CSMD3: variants seen among roughly 807,000 people sequenced by gnomAD.
CSMD3 encodes the protein CUB and Sushi multiple domains 3, also known as CUB and sushi domain-containing protein 3.
A neutral mutation model predicts 435.2 loss-of-function variants in CSMD3; 177 were observed. The ratio of observed to expected loss-of-function variants is 0.41; its 90% CI spans 0.36 to 0.46. CSMD3 has a LOEUF of 0.46. CSMD3 is among the 20% of genes least tolerant of loss of function. The pLI is 0.34. For synonymous variants in CSMD3, 1,656 were observed against 1,520.5 expected, an observed-to-expected ratio of 1.09 and a Z score of -2.07; for missense variants, 4,265 against 4,504.6, an observed-to-expected ratio of 0.95 and a Z score of 1.52.
chr8:112,836,427 G>T (rs186729627), intron 11 of CSMD3, among the ~76,000 whole-genome samples: 166 of 151,910 alleles, frequency 1.1e-3, no homozygotes, highest in African/African-American at 3.9e-3. Flanking sequence ...ATCCAATTAT[G>T]AGTTTCCTGA....
chr8:113,330,881 A>AT (rs1400066384), intron 1 of CSMD3, among the ~76,000 whole-genome samples: 1 of 151,894 alleles, frequency 6.6e-6, no homozygotes, highest in Non-Finnish European at 1.5e-5. Context: ...ACAAAGCAGC[A>AT]TATCAGCAAA....
At chr8:113,026,818 T>C (rs1353119913) in intron 5 of CSMD3, among the ~76,000 whole-genome samples, 7 of 152,180 alleles carry the variant, frequency 4.6e-5, no homozygotes, top group African/African-American at 1.7e-4. Flanking sequence ...TCAACTCCCC[T>C]GGCTAAAATT....
chr8:112,406,558 C>T lies in CSMD3; in HGVS notation c.5775G>A (p.Leu1925=), dbSNP rs538253389. 6.2e-7 allele frequency: 1 copy of T among 1,611,582 alleles called. No individual in the cohort carries two copies. Among genetic ancestry groups the T allele is most frequent in the African/African-American group, 1.3e-5 (1 of 74,920 alleles). The change falls in exon 35 of 71, where the codon TTG becomes TTA. Residue 1925 remains leucine (L), a synonymous_variant. Coordinates refer to ENST00000297405, the MANE Select transcript of CSMD3 (RefSeq NM_198123.2). The part of the protein sequence containing the change: ...AIRCETVPNS[L]AQWNDSLPTC... ...TAGGTAAGGAATCATTCCACTGGGCCAAAGAATTGGGCACTGTTTCACACC... is the reference window on the plus strand; with the variant it reads ...TAGGTAAGGAATCATTCCACTGGGCTAAAGAATTGGGCACTGTTTCACACC...
chr8:113,065,237 T>A (rs1564272990), intron 5 of CSMD3, among the ~76,000 whole-genome samples: 1 of 152,128 alleles, frequency 6.6e-6, no homozygotes, highest in Non-Finnish European at 1.5e-5. Flanking sequence ...GACAAAAAAA[T>A]ACAAAACAAA....
chr8:112,622,796 CTT>C (rs751298448), intron 22 of CSMD3, among the ~76,000 whole-genome samples: 1 of 152,092 alleles, frequency 6.6e-6, no homozygotes, highest in Non-Finnish European at 1.5e-5. Context: ...GCATCACAGA[CTT>C]GTTGAGAATA....
chr8:112,370,240 A>G (rs1290546831), intron 38 of CSMD3, among the ~76,000 whole-genome samples: 1 of 152,174 alleles, frequency 6.6e-6, no homozygotes, highest in Non-Finnish European at 1.5e-5. Context: ...GAGGACATAA[A>G]AACAGCAAAA....
intron 1 of CSMD3, among the ~76,000 whole-genome samples, chr8:113,373,457 T>C (rs2094359291): frequency 1.3e-5 from 2 of 152,178 alleles, no homozygotes; most frequent in South Asian, 4.1e-4. Flanking sequence ...ATTTCATTTA[T>C]GTATTAAAAA....
chr8:113,261,594 C>T (rs542971340), intron 3 of CSMD3, among the ~76,000 whole-genome samples: 21 of 152,102 alleles, frequency 1.4e-4, no homozygotes, highest in Admixed American at 7.9e-4. Context: ...GTCACTTCTT[C>T]CCTTGGTTCA....
At chr8:112,321,217 A>G (rs1272892954) in intron 45 of CSMD3, among the ~76,000 whole-genome samples, 1 of 152,140 alleles carries the variant, frequency 6.6e-6, no homozygotes, top group Non-Finnish European at 1.5e-5. Flanking sequence ...TATGTACTCA[A>G]CGTGCTGATA....
At chr8:112,314,727 T>TA in intron 47 of CSMD3, 110 bp from the exon 48 acceptor site, 1 of 762,094 alleles carries the variant, frequency 1.3e-6, no homozygotes, top group Non-Finnish European at 2.3e-6. Flanking sequence ...ATAAGGATGA[T>TA]ACGTTGAATT....
At chr8:113,102,273 A>G (rs2090352100) in intron 4 of CSMD3, among the ~76,000 whole-genome samples, 1 of 152,150 alleles carries the variant, frequency 6.6e-6, no homozygotes, top group Non-Finnish European at 1.5e-5. Context: ...CCATAGAACC[A>G]TCTCCTTAGA....
rs73341924 is a variant in CSMD3 at position 113,340,238 on chromosome 8, A to T, written c.179-25445T>A. ...CAAAATATGCATCCTTGATTATTAG[A>T]GTCAATTATAAATTAGTACTCTTAT... On this transcript the variant is annotated intron_variant, in intron 1 of 70. Transcript: ENST00000297405. Among the ~76,000 whole-genome samples, 537 of 152,180 alleles carry T rather than the reference A, an allele frequency of 3.5e-3. 2 individuals carry two copies. Among genetic ancestry groups the T allele is most frequent in the African/African-American group, 0.012 (500 of 41,544 alleles).
chr8:112,604,238 G>A (rs1161289874), intron 22 of CSMD3, among the ~76,000 whole-genome samples: 1 of 152,126 alleles, frequency 6.6e-6, no homozygotes, highest in Admixed American at 6.6e-5. Context: ...AGAGTTTGAA[G>A]CCAGGTAGTG....
At chr8:112,333,459 G>A (rs572353394) in intron 45 of CSMD3, among the ~76,000 whole-genome samples, 65 of 152,068 alleles carry the variant, frequency 4.3e-4, no homozygotes, top group African/African-American at 1.1e-3. Context: ...GAGCCACTGC[G>A]CCTGGCCTTG....
intron 4 of CSMD3, among the ~76,000 whole-genome samples, chr8:113,140,469 G>C (rs1475820394): frequency 2.0e-5 from 3 of 150,730 alleles, no homozygotes; most frequent in Non-Finnish European, 4.5e-5. Context: ...TTCTTTTCAA[G>C]TAACCAGGAA....
At chr8:113,124,833 T>TTA (rs1375529461) in intron 4 of CSMD3, among the ~76,000 whole-genome samples, 1 of 152,050 alleles carries the variant, frequency 6.6e-6, no homozygotes, top group Non-Finnish European at 1.5e-5. Context: ...ATTATTGCTC[T>TTA]TATCTCACCT....
intron 9 of CSMD3, among the ~76,000 whole-genome samples, chr8:112,936,691 C>A (rs1291631847): frequency 6.6e-6 from 1 of 151,810 alleles, no homozygotes; most frequent in African/African-American, 2.4e-5. Flanking sequence ...CTTGGTATAC[C>A]CAAAATATTC....
At chr8:112,871,105 C>T (rs767726850) in intron 10 of CSMD3, among the ~76,000 whole-genome samples, 9 of 152,042 alleles carry the variant, frequency 5.9e-5, no homozygotes, top group Non-Finnish European at 7.4e-5. Flanking sequence ...AAAATGAATA[C>T]GTGATTATTA....
chr8:112,255,933 C>T (rs1425545829), intron 61 of CSMD3: 3 of 152,722 alleles, frequency 2.0e-5, no homozygotes, highest in African/African-American at 7.2e-5. Context: ...ATCCCAGAAA[C>T]TTATTGCCTT....
Sources: allele counts gnomAD v4.1 joint callset (sites outside exome capture counted in the v4.1 genomes callset), GRCh38; gene constraint gnomAD v4.1.1; transcripts MANE v1.5; gene names NCBI Gene and HGNC (gene_info 2026-07-23, HGNC 2026-07-21).